Variants in ELL2 observed in about 807,000 individuals in gnomAD.
The protein encoded by ELL2 is RNA polymerase II elongation factor ELL2.
A neutral mutation model predicts 72.8 loss-of-function variants in ELL2; 21 were observed. That is an observed-to-expected ratio of 0.29 (90% CI 0.20 to 0.42). The LOEUF (loss-of-function observed/expected upper bound fraction) is 0.42. Among genes scored for constraint, ELL2 ranks in the 10% least tolerant of loss-of-function variants. The pLI, the probability that ELL2 is intolerant of heterozygous loss-of-function variation, is 1.00. For synonymous variants in ELL2, 266 were observed against 283.2 expected (o/e 0.94, Z 0.61); for missense variants, 568 against 772.8 (o/e 0.73, Z 3.14).
chr5:95,914,631 A>G (rs2112302796), intron 3 of ELL2, among the ~76,000 whole-genome samples: 1 of 152,216 alleles, frequency 6.6e-6, no homozygotes, highest in East Asian at 1.9e-4. Context: ...AGGCAGGTGG[A>G]TTGCTTGAGT....
rs191027912 is a variant in ELL2 at position 95,942,190 on chromosome 5, G to T, written c.195+812C>A. On this transcript the variant is annotated intron_variant, in intron 2 of 11. Coordinates refer to ENST00000237853, the MANE Select transcript of ELL2 (RefSeq NM_012081.6). ...TTTGTGACATAAGAAAAATTCAGAA[G>T]TCTGTAGATTTACAATAATCAAGAA... 2.0e-3 allele frequency among the ~76,000 whole-genome samples: 310 copies of T among 152,250 alleles called. 1 individual carries two copies. Among genetic ancestry groups the T allele is most frequent in the African/African-American group, 7.0e-3 (291 of 41,528 alleles).
chr5:95,931,167 C>T (rs1483494770), intron 2 of ELL2, among the ~76,000 whole-genome samples: 2 of 151,698 alleles, frequency 1.3e-5, no homozygotes, highest in Non-Finnish European at 2.9e-5. Flanking sequence ...TACCCAGTTT[C>T]CAACTCTGGC....
chr5:95,889,186 T>C (rs1748569039), intron 10 of ELL2, 56 bp from the exon 11 acceptor site: 2 of 1,327,650 alleles, frequency 1.5e-6, no homozygotes, highest in Non-Finnish European at 1.1e-6. Context: ...TGTGTGGCAA[T>C]ACAAATAGAT....
chr5:95,901,084 G>T lies in ELL2; in HGVS notation c.742-4C>A. 6.3e-7 allele frequency: 1 copy of T among 1,595,718 alleles called. No individual in the cohort carries two copies. The highest frequency in any genetic ancestry group is 8.5e-7 in the Non-Finnish European group (1 of 1,175,208). On this transcript the variant is annotated splice_polypyrimidine_tract_variant and splice_region_variant and intron_variant, in intron 5 of 11. Coordinates refer to ENST00000237853, the MANE Select transcript of ELL2 (RefSeq NM_012081.6). ...CCTTAGAATTCAGATTGGCTACCTA[G>T]TATGAGGTATAAAAACAGAGCATTA...
At chr5:95,930,949 T>C (rs1347435011) in intron 2 of ELL2, among the ~76,000 whole-genome samples, 1 of 152,192 alleles carries the variant, frequency 6.6e-6, no homozygotes, top group African/African-American at 2.4e-5. Context: ...ATTTGGAGAA[T>C]ACCAAAGGTA....
intron 5 of ELL2, 137 bp from the exon 6 acceptor site, chr5:95,901,217 G>A (rs1459237465): frequency 2.3e-6 from 2 of 860,016 alleles, no homozygotes; most frequent in South Asian, 2.6e-5. Flanking sequence ...TGTATTATAT[G>A]CCAGATCTCA....
intron 1 of ELL2, among the ~76,000 whole-genome samples, chr5:95,954,583 C>CTTTTTTTT (rs768347567): frequency 2.0e-5 from 2 of 98,664 alleles, no homozygotes; most frequent in Non-Finnish European, 2.1e-5. Flanking sequence ...ATTTTCTTTT[C>CTTTTTTTT]TTTTTTTTTT....
In ELL2 at chr5:95,906,537, C is replaced by G. The variant is rs368751191; in HGVS notation, c.727G>C (p.Ala243Pro). The change falls in exon 5 of 12, where the codon GCA becomes CCA. Residue 243 changes from alanine (A) to proline (P), a missense_variant. Around this residue, in one of 2 missense-constraint regions of ELL2, gnomAD observed 511 missense variants for 728.4 expected, o/e 0.70. Coordinates refer to ENST00000237853, the MANE Select transcript of ELL2 (RefSeq NM_012081.6). ...GCTGTCCTCACCTGTTGCAGAATTGCTCCCAGGGAGTTCTTGTCTTTTTGA... is the reference window on the plus strand; with the variant it reads ...GCTGTCCTCACCTGTTGCAGAATTGGTCCCAGGGAGTTCTTGTCTTTTTGA... ...VNQKDKNSLG[A>P]ILQQVANLNS... The G allele has an allele frequency of 1.2e-6, 2 of 1,612,210 alleles. No homozygotes were observed. The highest frequency in any genetic ancestry group is 2.7e-5 in the African/African-American group (2 of 74,884).
chr5:95,898,935 T>C (rs190361396), intron 7 of ELL2, 125 bp from the exon 8 acceptor site: 13 of 658,388 alleles, frequency 2.0e-5, no homozygotes, highest in Admixed American at 1.1e-4. Context: ...GGTTGTAATA[T>C]TACACGCTTT....
chr5:95,926,785 C>T (rs900334916), intron 2 of ELL2, among the ~76,000 whole-genome samples: 1 of 152,114 alleles, frequency 6.6e-6, no homozygotes, highest in Admixed American at 6.5e-5. Context: ...AAATTTATGA[C>T]CATTTTGGAG....
At chr5:95,901,990 G>C (rs576802049) in intron 5 of ELL2, among the ~76,000 whole-genome samples, 54 of 152,312 alleles carry the variant, frequency 3.5e-4, no homozygotes, top group African/African-American at 1.2e-3. Context: ...AATATTTTTG[G>C]ATCATGGTTG....
rs1277500591 is a variant in ELL2, at chr5:95,927,600, TAC to T, written c.196-8057_196-8056del. On this transcript the variant is annotated intron_variant, in intron 2 of 11. Transcript: ENST00000237853. ...ACACACACACGTGTGTATATAGACA[TAC>T]ACACACACGTGTGTATATAGACATA... is the stretch of plus-strand genomic sequence containing the variant. Among the ~76,000 whole-genome samples the T allele has an allele frequency of 3.0e-3, 67 of 22,594 alleles. 1 individual carries two copies. The highest frequency in any genetic ancestry group is 0.014 in the East Asian group (1 of 72). The allele number at this position is 22,594 out of a possible 152,430, so 14.8% of individuals were successfully genotyped here.
chr5:95,948,277 A>C (rs1389362664), intron 1 of ELL2, among the ~76,000 whole-genome samples: 1 of 151,550 alleles, frequency 6.6e-6, no homozygotes, highest in Non-Finnish European at 1.5e-5. Context: ...TAAAAAAACG[A>C]AAAATTAGCC....
Position 95,941,648 on chromosome 5 carries a change from A to T in ELL2, c.195+1354T>A, listed in dbSNP as rs149110258. ...TCAGCCCTAGAACCCTACTGCTCCT[A>T]GTAAGAGAAATGCAGCTCAAACCTT... is the stretch of plus-strand genomic sequence containing the variant. On this transcript the variant is annotated intron_variant, in intron 2 of 11. Coordinates refer to ENST00000237853, the MANE Select transcript of ELL2 (RefSeq NM_012081.6). Among the ~76,000 whole-genome samples the T allele has an allele frequency of 9.8e-5, 15 of 152,300 alleles. No homozygotes were observed. The East Asian group carries it at 2.7e-3, about 27-fold the overall frequency.
In ELL2 at chr5:95,887,042, C is replaced by G. The variant is rs1472878771; in HGVS notation, c.*1829G>C. ...CAATTAAGTTTCCCTTTCCTTTTTT[C>G]AATTAAAAAGTTTGAAATAAATTAA... On this transcript the variant is annotated 3_prime_UTR_variant, in exon 12 of 12. Transcript: ENST00000237853. 2 of 151,914 alleles carry G rather than the reference C, an allele frequency of 1.3e-5. No homozygotes were observed. The highest frequency in any genetic ancestry group is 2.9e-5 in the Non-Finnish European group (2 of 67,974). 9.4% of individuals were successfully genotyped at this position (151,914 alleles called of 1,614,324 possible).
intron 2 of ELL2, among the ~76,000 whole-genome samples, chr5:95,926,960 T>C (rs1407082361): frequency 2.0e-5 from 3 of 152,212 alleles, no homozygotes; most frequent in African/African-American, 7.2e-5. Flanking sequence ...TTTGGCTCTC[T>C]TAATATGGCT....
chr5:95,936,258 C>A (rs1288743638), intron 2 of ELL2, among the ~76,000 whole-genome samples: 1 of 152,126 alleles, frequency 6.6e-6, no homozygotes, highest in Non-Finnish European at 1.5e-5. Context: ...TTAGAGAGGT[C>A]AGAGGTTACC....
intron 1 of ELL2, among the ~76,000 whole-genome samples, chr5:95,944,270 A>G (rs74528500): frequency 0.038 from 5,832 of 152,300 alleles, 181 homozygotes; most frequent in Admixed American, 0.077. Context: ...AACATTAGCT[A>G]TCTTATTATT....
chr5:95,938,662 C>A (rs1341559205), intron 2 of ELL2, among the ~76,000 whole-genome samples: 1 of 152,050 alleles, frequency 6.6e-6, no homozygotes, highest in Non-Finnish European at 1.5e-5. Flanking sequence ...TTCAAGGCTG[C>A]AGTAAGCTAT....
Sources: gnomAD v4.1 joint callset for allele counts (sites outside exome capture counted in the v4.1 genomes callset) on GRCh38, gnomAD v4.1.1 for gene constraint, gnomAD v4.1.1 regional missense constraint, MANE v1.5 for transcripts, NCBI Gene and HGNC (gene_info 2026-07-23, HGNC 2026-07-21) for gene names.